Variants in DGKD observed in about 807,000 individuals in gnomAD.
DGKD encodes the protein diacylglycerol kinase delta.
DGKD carries 68 observed loss-of-function variants against 154.4 expected under a neutral mutation model. That is an observed-to-expected ratio of 0.44 (90% CI 0.36 to 0.54). The LOEUF (loss-of-function observed/expected upper bound fraction) is 0.54, where lower values mean the gene tolerates loss of function less well. Among genes scored for constraint, DGKD ranks in the 20% least tolerant of loss-of-function variants. DGKD has a pLI of 0.00. For missense variants in DGKD, 1,343 were observed against 1,593.6 expected (o/e 0.84, Z 2.68); for synonymous variants, 693 against 638.0 (o/e 1.09, Z -1.30).
At chr2:233,371,808 CT>C (rs1170279477) in intron 1 of DGKD, among the ~76,000 whole-genome samples, 4 of 152,226 alleles carry the variant, frequency 2.6e-5, no homozygotes, top group African/African-American at 9.6e-5. Flanking sequence ...CAGTTGGAGT[CT>C]GCCTCCCCAG....
chr2:233,437,983 C>G (rs1274380694), intron 8 of DGKD, among the ~76,000 whole-genome samples: 1 of 152,172 alleles, frequency 6.6e-6, no homozygotes, highest in East Asian at 1.9e-4. Flanking sequence ...GAGAAGACAG[C>G]AGAAAGGTGG....
At chr2:233,416,640 C>T (rs1272130196) in intron 3 of DGKD, among the ~76,000 whole-genome samples, 1 of 152,196 alleles carries the variant, frequency 6.6e-6, no homozygotes, top group African/African-American at 2.4e-5. Flanking sequence ...TAAATTATGA[C>T]AGCGTGGTGG....
chr2:233,366,269 CT>C (rs1702024139), intron 1 of DGKD, among the ~76,000 whole-genome samples: 1 of 152,206 alleles, frequency 6.6e-6, no homozygotes, highest in African/African-American at 2.4e-5. Context: ...GAAAAGATGG[CT>C]CTAGCTGCGC....
At chr2:233,355,809 G>T (rs1701509870) in intron 1 of DGKD, among the ~76,000 whole-genome samples, 1 of 152,210 alleles carries the variant, frequency 6.6e-6, no homozygotes, top group South Asian at 2.1e-4. Flanking sequence ...ACTTTCTTGG[G>T]TTAGCTTTAC....
intron 7 of DGKD, 33 bp downstream of exon 7, chr2:233,436,474 G>A (rs368778987): frequency 6.2e-7 from 1 of 1,601,820 alleles, no homozygotes; most frequent in African/African-American, 1.3e-5. Context: ...GGCTGGAGGG[G>A]AGGGCTTGCT....
intron 6 of DGKD, 38 bp from the exon 7 acceptor site, chr2:233,436,278 T>C: frequency 6.2e-7 from 1 of 1,613,018 alleles, no homozygotes; most frequent in Non-Finnish European, 8.5e-7. Context: ...CGTGGAACCT[T>C]GGGAGCGTCC....
chr2:233,430,349 G>A (rs552865846), intron 3 of DGKD, among the ~76,000 whole-genome samples: 3 of 152,200 alleles, frequency 2.0e-5, no homozygotes, highest in Admixed American at 6.5e-5. Context: ...TCCATAGGGC[G>A]CTGGCTGAGT....
At chr2:233,437,278 C>T in intron 7 of DGKD, 99 bp from the exon 8 acceptor site, 1 of 1,103,250 alleles carries the variant, frequency 9.1e-7, no homozygotes. Flanking sequence ...AAATCACCTG[C>T]CTCCCCCGAG....
intron 1 of DGKD, among the ~76,000 whole-genome samples, chr2:233,378,411 C>CAA (rs373116594): frequency 0.017 from 1,964 of 118,640 alleles, 46 homozygotes; most frequent in African/African-American, 0.054. Context: ...GACTCCATCT[C>CAA]AAAAAAAAAA....
At chr2:233,388,064 A>C in intron 1 of DGKD, 193 bp from the exon 2 acceptor site, 1 of 1,285,702 alleles carries the variant, frequency 7.8e-7, no homozygotes, top group Non-Finnish European at 1.0e-6. Flanking sequence ...CTTAGAGGAC[A>C]GGATTGGTGC....
chr2:233,464,864 G>T (rs1209155269), intron 27 of DGKD, among the ~76,000 whole-genome samples: 1 of 152,246 alleles, frequency 6.6e-6, no homozygotes, highest in Non-Finnish European at 1.5e-5. Flanking sequence ...CTGTCTCTTG[G>T]CTTCCCTGCT....
intron 3 of DGKD, among the ~76,000 whole-genome samples, chr2:233,392,664 G>A (rs1404914214): frequency 2.6e-5 from 4 of 152,140 alleles, no homozygotes; most frequent in Non-Finnish European, 5.9e-5. Context: ...TCTTAAGTTC[G>A]AGAGAATTTA....
intron 12 of DGKD, among the ~76,000 whole-genome samples, chr2:233,447,230 T>G (rs972362054): frequency 6.6e-6 from 1 of 151,952 alleles, no homozygotes; most frequent in Non-Finnish European, 1.5e-5. Flanking sequence ...CTCTGTGGCG[T>G]CTGCAGCTGC....
intron 3 of DGKD, among the ~76,000 whole-genome samples, chr2:233,430,112 T>G (rs2062459500): frequency 6.6e-6 from 1 of 152,238 alleles, no homozygotes; most frequent in Admixed American, 6.5e-5. Context: ...AAGCAAGCAT[T>G]TTCCTAACAC....
chr2:233,454,285 T>C (rs984583673), intron 18 of DGKD: 12 of 440,848 alleles, frequency 2.7e-5, no homozygotes, highest in Non-Finnish European at 5.2e-5. Flanking sequence ...TGGAGTATTA[T>C]TTGGTAATAA....
chr2:233,462,258 G>T, intron 24 of DGKD, 90 bp from the exon 25 acceptor site: 2 of 1,059,576 alleles, frequency 1.9e-6, no homozygotes, highest in East Asian at 2.4e-5. Context: ...CAGCCCTCCA[G>T]GTGGTACCTG....
In DGKD at chr2:233,354,548, G is replaced by A; in HGVS notation, c.30G>A (p.Pro10=). MAAAAGAPP[P]GPPQPPPPPP... is the part of the protein sequence containing the mutation. ...CGGCGGCGGCGGGCGCCCCTCCGCC[G>A]GGTCCCCCGCAACCGCCTCCGCCGC... The change falls in exon 1 of 30, where the codon CCG becomes CCA. Residue 10 remains proline, a synonymous_variant. Coordinates refer to ENST00000264057, the MANE Select transcript of DGKD (RefSeq NM_152879.3). The surrounding 1 kb of genome is among the most constrained non-coding windows in gnomAD (Gnocchi z 4.8). The A allele has an allele frequency of 2.0e-6, 2 of 1,015,034 alleles. No individual in the cohort carries two copies. The highest frequency in any genetic ancestry group is 2.4e-6 in the Non-Finnish European group (2 of 849,516). The allele number at this position is 1,015,034 out of a possible 1,614,324, so 62.9% of individuals were successfully genotyped here.
At chr2:233,462,299 T>C (rs1438787941) in intron 24 of DGKD, 49 bp from the exon 25 acceptor site, 1 of 1,471,606 alleles carries the variant, frequency 6.8e-7, no homozygotes. Context: ...TGTGAAAGGC[T>C]GCCCTTCCAT....
chr2:233,387,697 G>A (rs947783978), intron 1 of DGKD, among the ~76,000 whole-genome samples: 3 of 152,094 alleles, frequency 2.0e-5, no homozygotes, highest in Non-Finnish European at 4.4e-5. Context: ...GTCTGTGGCC[G>A]AGGCACTTTC....
Sources: allele counts gnomAD v4.1 joint callset (sites outside exome capture counted in the v4.1 genomes callset), GRCh38; gene constraint gnomAD v4.1.1; non-coding constraint Gnocchi (gnomAD v3.1); transcripts MANE v1.5; gene names NCBI Gene and HGNC (gene_info 2026-07-23, HGNC 2026-07-21).